The following THAP5 variants were observed in gnomAD, a reference collection of about 807,000 sequenced individuals.
The protein encoded by THAP5 is THAP domain containing 5.
In THAP5, 26 loss-of-function variants were observed where a neutral mutation model predicts 34.0. The ratio of observed to expected loss-of-function variants is 0.77; its 90% CI spans 0.56 to 1.06. The LOEUF is 1.06. THAP5 is among the 50% of genes least tolerant of loss of function. The pLI is 0.00. For missense variants in THAP5, 394 were observed against 452.8 expected (o/e 0.87, Z 1.18); for synonymous variants, 125 against 153.0 (o/e 0.82, Z 1.35).
chr7:108,545,309 TTAGTA>T, the THAP5 span, among the ~76,000 whole-genome samples: 1 of 152,210 alleles, frequency 6.6e-6, no homozygotes, highest in African/African-American at 2.4e-5. Flanking sequence ...GTCTAATAGA[TTAGTA>T]TAGTTCCCAG....
chr7:108,545,436 G>T, the THAP5 span, among the ~76,000 whole-genome samples: 1 of 152,188 alleles, frequency 6.6e-6, no homozygotes, highest in Admixed American at 6.5e-5. Context: ...TTTGCTGTCA[G>T]TTCCATTGTG....
downstream of THAP5, among the ~76,000 whole-genome samples, chr7:108,551,901 C>G (rs932827649): frequency 2.6e-5 from 4 of 152,082 alleles, no homozygotes; most frequent in Non-Finnish European, 4.4e-5. Context: ...TTAGCTGGAC[C>G]CAGTTGGAGT....
At chr7:108,558,377 G>GTGTGTGTATACATATATATATATA (rs1401164750), downstream of THAP5, among the ~76,000 whole-genome samples, 1 of 63,042 alleles carries the variant, frequency 1.6e-5, no homozygotes, top group African/African-American at 8.1e-5. Context: ...ATGTGTGTGT[G>GTGTGTGTATACATATATATATATA]TATGTATATA....
At chr7:108,561,998 G>A (rs1417937744), downstream of THAP5, among the ~76,000 whole-genome samples, 2 of 152,168 alleles carry the variant, frequency 1.3e-5, no homozygotes, top group African/African-American at 2.4e-5. Context: ...TGAAATATCT[G>A]CAGTACACTT....
chr7:108,551,885 A>G (rs1342845974), downstream of THAP5, among the ~76,000 whole-genome samples: 2 of 152,220 alleles, frequency 1.3e-5, no homozygotes, highest in East Asian at 3.8e-4. Context: ...ACTGTTGCAG[A>G]GTGGCTTAGC....
chr7:108,569,616 G>A lies in THAP5; in HGVS notation c.-47C>T, dbSNP rs781436853. The stretch of plus-strand genomic sequence containing the variant: ...GACCGGGGCCGGCGACGGATGCAGG[G>A]CGGCCCTCCTCACTGAGGATGCGCC... On this transcript the variant is annotated 5_prime_UTR_variant, in exon 1 of 3. Coordinates refer to ENST00000415914, the MANE Select transcript of THAP5 (RefSeq NM_001130475.3). The A allele has an allele frequency of 4.8e-5, 74 of 1,546,428 alleles. No individual in the cohort carries two copies. The highest frequency in any genetic ancestry group is 5.9e-5 in the Non-Finnish European group (68 of 1,146,062).
At chr7:108,566,422 T>C (rs756861765) in intron 1 of THAP5, among the ~76,000 whole-genome samples, 1 of 152,226 alleles carries the variant, frequency 6.6e-6, no homozygotes, top group African/African-American at 2.4e-5. Context: ...TCAAATGTAT[T>C]TCATAATACC....
downstream of THAP5, among the ~76,000 whole-genome samples, chr7:108,553,184 G>A (rs1223720560): frequency 2.0e-5 from 3 of 152,034 alleles, no homozygotes; most frequent in Admixed American, 6.6e-5. Flanking sequence ...AATGTCTTCA[G>A]TTGAGGCCCT....
In THAP5 at chr7:108,564,993, T is replaced by C; in HGVS notation, c.386A>G (p.Asn129Ser). ...ATGGGGCACATCTGTGTTAACTATA[T>C]TTTTCTTTGTCTCATTTAATACAAA... ...ESFVLNETKKNIVNTDVPHQH... is the reference protein window; with the variant it reads ...ESFVLNETKKSIVNTDVPHQH... The change falls in exon 3 of 3, where the codon AAT (asparagine) becomes AGT (serine). Residue 129 changes from asparagine to serine, a missense_variant. Coordinates refer to ENST00000415914, the MANE Select transcript of THAP5 (RefSeq NM_001130475.3). 2 of 1,552,456 alleles carry C rather than the reference T, an allele frequency of 1.3e-6. No homozygotes were observed. The highest frequency in any genetic ancestry group is 4.9e-5 in the East Asian group (2 of 40,940).
chr7:108,559,779 G>A (rs1864413539), downstream of THAP5, among the ~76,000 whole-genome samples: 1 of 152,026 alleles, frequency 6.6e-6, no homozygotes, highest in South Asian at 2.1e-4. Flanking sequence ...AGCGAGAGTA[G>A]GTGGAAGAGC....
rs893673273 is a variant in THAP5, at chr7:108,562,704, TACTG to T, written c.*1483_*1486del. On this transcript the variant is annotated 3_prime_UTR_variant, in exon 3 of 3. Coordinates refer to ENST00000415914, the MANE Select transcript of THAP5 (RefSeq NM_001130475.3). ...AACATCATAGGCAGAAACATAATTA[TACTG>T]ACTGCCAATTTTAAGAAAACATCTA... 4.2e-4 allele frequency: 64 copies of T among 152,364 alleles called. No homozygotes were observed. The highest frequency in any genetic ancestry group is 1.5e-3 in the African/African-American group (61 of 41,590). The allele number at this position is 152,364 out of a possible 1,614,324, so 9.4% of individuals were successfully genotyped here.
At chr7:108,548,342 A>G in the THAP5 span, among the ~76,000 whole-genome samples, 6 of 152,238 alleles carry the variant, frequency 3.9e-5, no homozygotes, top group Non-Finnish European at 5.9e-5. Context: ...TAGACAATGA[A>G]GCTAAAAAGC....
At chr7:108,552,237 C>T (rs939414119), downstream of THAP5, among the ~76,000 whole-genome samples, 1 of 152,198 alleles carries the variant, frequency 6.6e-6, no homozygotes, top group African/African-American at 2.4e-5. Flanking sequence ...GTGACTACCG[C>T]TTCTTAATAA....
chr7:108,569,699 C>A lies in THAP5; in HGVS notation c.-130G>T. 1 of 1,249,280 alleles carries A rather than the reference C, an allele frequency of 8.0e-7. No individual in the cohort carries two copies. Among genetic ancestry groups the A allele is most frequent in the Non-Finnish European group, 1.1e-6 (1 of 901,818 alleles). The allele number at this position is 1,249,280 out of a possible 1,614,324, so 77.4% of individuals were successfully genotyped here. The stretch of plus-strand genomic sequence containing the variant: ...CGCTAGCATTCTGCCGGGAAAGCCG[C>A]CTCGTCTGTCGACTCACTTCCGCCT... On this transcript the variant is annotated 5_prime_UTR_variant, in exon 1 of 3. Transcript: ENST00000415914.
downstream of THAP5, among the ~76,000 whole-genome samples, chr7:108,551,682 C>T (rs969878629): frequency 1.3e-5 from 2 of 152,178 alleles, no homozygotes; most frequent in Non-Finnish European, 2.9e-5. Flanking sequence ...GAGTCTTGCC[C>T]TGAGTTTCAC....
At position 108,564,167 on chromosome 7, in the gene THAP5, C is replaced by T. The variant is rs1463488635; in HGVS notation, c.*24G>A. 1 of 1,519,222 alleles carries T rather than the reference C, an allele frequency of 6.6e-7. No individual in the cohort carries two copies. The highest frequency in any genetic ancestry group is 2.3e-5 in the East Asian group (1 of 44,010). 94.1% of individuals were successfully genotyped at this position (1,519,222 alleles called of 1,614,324 possible). On this transcript the variant is annotated 3_prime_UTR_variant, in exon 3 of 3. Transcript: ENST00000415914. ...TGGCTGGAAAAAGCTTATTTAACAGCCATAGTTTTAAAACCTAGTTATTCT... is the reference window on the plus strand; with the variant it reads ...TGGCTGGAAAAAGCTTATTTAACAGTCATAGTTTTAAAACCTAGTTATTCT...
downstream of THAP5, chr7:108,554,476 G>C (rs183855046): frequency 2.0e-5 from 3 of 152,260 alleles, no homozygotes; most frequent in East Asian, 3.9e-4. Context: ...ACTTAGTGCA[G>C]ACTCATTTTA....
At position 108,564,580 on chromosome 7, in the gene THAP5, T is replaced by C; in HGVS notation, c.799A>G (p.Asn267Asp). The change falls in exon 3 of 3, where the codon AAT (asparagine) becomes GAT (aspartate). Residue 267 changes from asparagine to aspartate, a missense_variant. Physicochemically the swap from Asn to Asp is conservative, Grantham distance 23 (BLOSUM62 1). Coordinates refer to ENST00000415914, the MANE Select transcript of THAP5 (RefSeq NM_001130475.3). The part of the protein sequence containing the change: ...INQTVEELNT[N>D]KESVIAIFVP... ...AAAATGGCAATAACAGATTCTTTATTTGTGTTTAATTCTTCAACTGTTTGA... is the reference window on the plus strand; with the variant it reads ...AAAATGGCAATAACAGATTCTTTATCTGTGTTTAATTCTTCAACTGTTTGA... 2 of 1,613,888 alleles carry C rather than the reference T, an allele frequency of 1.2e-6. No homozygotes were observed. Among genetic ancestry groups the C allele is most frequent in the South Asian group, 1.1e-5 (1 of 91,066 alleles).
intron 1 of THAP5, 86 bp from the exon 2 acceptor site, chr7:108,566,108 GTAACCTA>G: frequency 8.7e-7 from 1 of 1,146,922 alleles, no homozygotes; most frequent in East Asian, 2.6e-5. Context: ...ATATATCTGG[GTAACCTA>G]TGCATCAAGT....
Sources: gnomAD v4.1 joint callset for allele counts (sites outside exome capture counted in the v4.1 genomes callset) on GRCh38, gnomAD v4.1.1 for gene constraint, MANE v1.5 for transcripts, NCBI Gene and HGNC (gene_info 2026-07-23, HGNC 2026-07-21) for gene names.